The following DOCK4 variants were observed in gnomAD, a reference collection of about 807,000 sequenced individuals.
The protein encoded by DOCK4 is dedicator of cytokinesis 4.
A neutral mutation model predicts 268.1 loss-of-function variants in DOCK4; 97 were observed. That is an observed-to-expected ratio of 0.36 (90% CI 0.31 to 0.43). The LOEUF is 0.43. DOCK4 is among the 20% of genes least tolerant of loss of function. The pLI is 1.00. For missense variants in DOCK4, 2,145 were observed against 2,455.7 expected, an observed-to-expected ratio of 0.87 and a Z score of 2.67; for synonymous variants, 954 against 887.2, an observed-to-expected ratio of 1.08 and a Z score of -1.34.
chr7:112,114,198 C>G (rs1811923166), intron 1 of DOCK4, among the ~76,000 whole-genome samples: 2 of 152,106 alleles, frequency 1.3e-5, no homozygotes, highest in Non-Finnish European at 2.9e-5. Context: ...CCTGGTCAAG[C>G]CTTCATGACA....
intron 8 of DOCK4, among the ~76,000 whole-genome samples, chr7:111,962,930 T>C (rs949387256): frequency 6.6e-6 from 1 of 152,106 alleles, no homozygotes; most frequent in Non-Finnish European, 1.5e-5. Flanking sequence ...GGTGCTATTT[T>C]CTCAAATAAA....
Position 111,728,461 on chromosome 7 carries a change from A to T in DOCK4, c.5741T>A (p.Val1914Asp). ...KESKTPPPYS[V>D]YERTLRRPVP... is the part of the protein sequence containing the mutation. ...GGGGCGCCGCAGAGTCCGCTCGTAG[A>T]CGCTGTACGGGGGCGGAGTCTTGCT... Residue 1914 changes from valine (V) to aspartate (D), a missense_variant, in exon 53 of 53, where the codon GTC (valine) becomes GAC (aspartate). Transcript: ENST00000428084. 1 of 1,609,958 alleles carries T rather than the reference A, an allele frequency of 6.2e-7. No individual in the cohort carries two copies. The highest frequency in any genetic ancestry group is 8.5e-7 in the Non-Finnish European group (1 of 1,178,044).
chr7:112,182,488 GGAA>G (rs1819142368), intron 1 of DOCK4, among the ~76,000 whole-genome samples: 1 of 152,134 alleles, frequency 6.6e-6, no homozygotes, highest in Admixed American at 6.5e-5. Flanking sequence ...ATCGATTTCA[GGAA>G]GAAGAGTGGG....
chr7:112,082,424 C>T (rs1032540574), intron 1 of DOCK4, among the ~76,000 whole-genome samples: 2 of 152,226 alleles, frequency 1.3e-5, no homozygotes, highest in Admixed American at 6.6e-5. Context: ...CTAGAAATAG[C>T]GGGGGTGGTT....
intron 16 of DOCK4, among the ~76,000 whole-genome samples, chr7:111,888,923 T>C (rs1808066480): frequency 6.6e-6 from 1 of 152,088 alleles, no homozygotes; most frequent in Non-Finnish European, 1.5e-5. Context: ...ACTAGACACC[T>C]GGCTTAGGAA....
chr7:111,798,142 G>T (rs7790671), intron 30 of DOCK4, among the ~76,000 whole-genome samples: 62,640 of 152,006 alleles, frequency 0.41, 17,101 homozygotes, highest in African/African-American at 0.77. Context: ...TAAAAAGGAA[G>T]GCCCAGGCAG....
chr7:111,973,875 TAA>T (rs1797928374), intron 8 of DOCK4, among the ~76,000 whole-genome samples: 1 of 152,108 alleles, frequency 6.6e-6, no homozygotes, highest in African/African-American at 2.4e-5. Context: ...TTTTCTAAAA[TAA>T]AAAGTTTAAA....
chr7:112,003,729 T>C (rs935199934), intron 2 of DOCK4, among the ~76,000 whole-genome samples: 1 of 152,218 alleles, frequency 6.6e-6, no homozygotes, highest in African/African-American at 2.4e-5. Context: ...TCCTGTCCTG[T>C]GGGATCTACT....
At chr7:112,012,498 T>C (rs563827979) in intron 1 of DOCK4, among the ~76,000 whole-genome samples, 5 of 152,192 alleles carry the variant, frequency 3.3e-5, no homozygotes, top group African/African-American at 9.7e-5. Context: ...CAAGGGACGA[T>C]AGACAGCACG....
At chr7:112,187,843 A>G (rs1819602167) in intron 1 of DOCK4, among the ~76,000 whole-genome samples, 1 of 151,994 alleles carries the variant, frequency 6.6e-6, no homozygotes, top group East Asian at 1.9e-4. Flanking sequence ...GCTAAGTGCA[A>G]TATTATATTT....
chr7:112,026,611 T>C (rs1271691665), intron 1 of DOCK4, among the ~76,000 whole-genome samples: 1 of 152,244 alleles, frequency 6.6e-6, no homozygotes, highest in African/African-American at 2.4e-5. Context: ...AGTAATATTT[T>C]GTGACATGTA....
intron 1 of DOCK4, among the ~76,000 whole-genome samples, chr7:112,104,095 T>A (rs1206364343): frequency 6.6e-6 from 1 of 152,158 alleles, no homozygotes; most frequent in Non-Finnish European, 1.5e-5. Flanking sequence ...TTCTCAATTA[T>A]ATTCTCCCTG....
intron 30 of DOCK4, among the ~76,000 whole-genome samples, chr7:111,794,475 G>A (rs577991601): frequency 1.2e-4 from 19 of 152,304 alleles, no homozygotes; most frequent in African/African-American, 2.9e-4. Flanking sequence ...CACATGTGCC[G>A]GGACAAGAGA....
chr7:111,990,173 T>A (rs895980177), intron 5 of DOCK4, among the ~76,000 whole-genome samples: 2 of 152,170 alleles, frequency 1.3e-5, no homozygotes, highest in East Asian at 1.9e-4. Flanking sequence ...AGAAAAAATA[T>A]GTAAGTATTA....
intron 23 of DOCK4, among the ~76,000 whole-genome samples, chr7:111,852,026 C>T (rs1277578102): frequency 2.0e-5 from 3 of 147,364 alleles, no homozygotes; most frequent in Admixed American, 1.4e-4. Flanking sequence ...TGCAATGGCA[C>T]GATCTCGGCT....
At chr7:112,170,551 C>G (rs1056515085) in intron 1 of DOCK4, among the ~76,000 whole-genome samples, 2 of 152,032 alleles carry the variant, frequency 1.3e-5, no homozygotes, top group African/African-American at 4.8e-5. Context: ...GACATCGTTA[C>G]AAGCAGAACA....
intron 8 of DOCK4, among the ~76,000 whole-genome samples, chr7:111,954,286 G>A (rs1373050466): frequency 6.6e-6 from 1 of 152,192 alleles, no homozygotes; most frequent in Non-Finnish European, 1.5e-5. Context: ...CAAGAAACCA[G>A]TGCTACCTCT....
intron 25 of DOCK4, 74 bp downstream of exon 25, chr7:111,844,689 A>T (rs1803953307): frequency 6.7e-7 from 1 of 1,502,522 alleles, no homozygotes; most frequent in African/African-American, 1.4e-5. Context: ...CCAGATTATA[A>T]CATCAAGCCA....
At chr7:111,762,761 T>C (rs939358532) in intron 39 of DOCK4, among the ~76,000 whole-genome samples, 2 of 111,268 alleles carry the variant, frequency 1.8e-5, no homozygotes, top group Non-Finnish European at 3.5e-5. Context: ...TGTTTTGTTT[T>C]CTTTTTTTTT....
Sources: gnomAD v4.1 joint callset for allele counts (sites outside exome capture counted in the v4.1 genomes callset) on GRCh38, gnomAD v4.1.1 for gene constraint, MANE v1.5 for transcripts, NCBI Gene and HGNC (gene_info 2026-07-23, HGNC 2026-07-21) for gene names.